The following EDEM1 variants were observed in gnomAD, a reference collection of about 807,000 sequenced individuals.
EDEM1 encodes ER degradation enhancing alpha-mannosidase like protein 1.
A neutral mutation model predicts 74.4 loss-of-function variants in EDEM1; 67 were observed. That is an observed-to-expected ratio of 0.90 (90% CI 0.74 to 1.10). EDEM1 has a LOEUF of 1.10. EDEM1 is among the 50% of genes least tolerant of loss of function. The pLI is 0.00. For synonymous variants in EDEM1, 382 were observed against 335.9 expected, an observed-to-expected ratio of 1.14 and a Z score of -1.50; for missense variants, 926 against 851.6, an observed-to-expected ratio of 1.09 and a Z score of -1.09.
chr3:5,199,621 A>G lies in EDEM1; in HGVS notation c.612A>G (p.Lys204=), dbSNP rs1229408792. ...TGGGAAATTCATCCGAGTTCCAGAA[A>G]GCCGTCAAGTTAGTGATCAACACAG... ...AIMGNSSEFQ[K]AVKLVINTVS... The change falls in exon 3 of 12, where the codon AAA becomes AAG. Residue 204 remains lysine (K), a synonymous_variant. Coordinates refer to ENST00000256497, the MANE Select transcript of EDEM1 (RefSeq NM_014674.3). 2 of 1,613,542 alleles carry G rather than the reference A, an allele frequency of 1.2e-6. No individual in the cohort carries two copies. The highest frequency in any genetic ancestry group is 1.7e-5 in the Admixed American group (1 of 59,838).
intron 1 of EDEM1, among the ~76,000 whole-genome samples, chr3:5,190,671 T>C (rs906378566): frequency 3.3e-5 from 5 of 152,112 alleles, no homozygotes; most frequent in Non-Finnish European, 2.9e-5. Context: ...TTTAGAAGTA[T>C]TGAGGAGGTG....
At chr3:5,195,149 TTTTA>T (rs2054948904) in intron 1 of EDEM1, 56 bp from the exon 2 acceptor site, 1 of 1,064,000 alleles carries the variant, frequency 9.4e-7, no homozygotes, top group Admixed American at 3.1e-5. Flanking sequence ...GGGTGTTTAC[TTTTA>T]TTGTCTTCTC....
intron 10 of EDEM1, 122 bp downstream of exon 10, chr3:5,211,338 A>T: frequency 1.1e-6 from 1 of 945,956 alleles, no homozygotes; most frequent in Non-Finnish European, 1.6e-6. Flanking sequence ...GTGCATTCCC[A>T]GGATGCAAAC....
chr3:5,207,441 T>C (rs2055112293), intron 7 of EDEM1, among the ~76,000 whole-genome samples, 168 bp downstream of exon 7: 1 of 152,216 alleles, frequency 6.6e-6, no homozygotes, highest in African/African-American at 2.4e-5. Context: ...CTCCAGAATA[T>C]TGAACAGAGC....
In EDEM1 at chr3:5,217,846, T is replaced by C. The variant is rs1197377539; in HGVS notation, c.*1928T>C. The stretch of plus-strand genomic sequence containing the variant: ...ACGAGCATACTTGTACCTTTGTCTC[T>C]GGGCAAACAGGTGGGACTGTTAGTG... On this transcript the variant is annotated 3_prime_UTR_variant, in exon 12 of 12. Coordinates refer to ENST00000256497, the MANE Select transcript of EDEM1 (RefSeq NM_014674.3). The C allele has an allele frequency of 6.6e-6, 1 of 152,194 alleles. No individual in the cohort carries two copies. The highest frequency in any genetic ancestry group is 1.9e-4 in the East Asian group (1 of 5,204). 9.4% of individuals were successfully genotyped at this position (152,194 alleles called of 1,614,324 possible).
At position 5,217,996 on chromosome 3, in the gene EDEM1, G is replaced by A. The variant is rs1465759608; in HGVS notation, c.*2078G>A. ...GCGGCAGTGGTGGGTAAGCACTCCAGTGTTCTCTTAATGAGGCACTTTGCC... is the reference window on the plus strand; with the variant it reads ...GCGGCAGTGGTGGGTAAGCACTCCAATGTTCTCTTAATGAGGCACTTTGCC... On this transcript the variant is annotated 3_prime_UTR_variant, in exon 12 of 12. Coordinates refer to ENST00000256497, the MANE Select transcript of EDEM1 (RefSeq NM_014674.3). 6.6e-6 allele frequency: 1 copy of A among 152,252 alleles called. No homozygotes were observed. The highest frequency in any genetic ancestry group is 1.5e-5 in the Non-Finnish European group (1 of 68,062). 9.4% of individuals were successfully genotyped at this position (152,252 alleles called of 1,614,324 possible).
intron 2 of EDEM1, among the ~76,000 whole-genome samples, chr3:5,199,348 T>C (rs960672083): frequency 2.0e-5 from 3 of 152,236 alleles, no homozygotes; most frequent in African/African-American, 7.2e-5. Flanking sequence ...TGCCAATGAT[T>C]TTACAAGGAA....
rs975174978 is a variant in EDEM1 at position 5,216,468 on chromosome 3, T to G, written c.*550T>G. Reference sequence around the variant, plus strand: ...TTGTTAGAGGATTGAGAATGAAATTTCTGCAAAAGGGCCCATGGTTCATTT... The same window carrying G: ...TTGTTAGAGGATTGAGAATGAAATTGCTGCAAAAGGGCCCATGGTTCATTT... On this transcript the variant is annotated 3_prime_UTR_variant, in exon 12 of 12. Transcript: ENST00000256497. 2 of 152,192 alleles carry G rather than the reference T, an allele frequency of 1.3e-5. No homozygotes were observed. The highest frequency in any genetic ancestry group is 4.8e-5 in the African/African-American group (2 of 41,440). 9.4% of individuals were successfully genotyped at this position (152,192 alleles called of 1,614,324 possible). A position where few individuals can be genotyped will look rare whatever the true frequency, so the allele number is the denominator to read the frequency against.
At position 5,219,177 on chromosome 3, in the gene EDEM1, T is replaced by C. The variant is rs2106616383; in HGVS notation, c.*3259T>C. On this transcript the variant is annotated 3_prime_UTR_variant, in exon 12 of 12. Transcript: ENST00000256497. ...ATGATTACCACCTGTAATTCCTCTT[T>C]GGATTGTGTAGACTCAACATGAGAC... 6.6e-6 allele frequency: 1 copy of C among 152,334 alleles called. No homozygotes were observed. The highest frequency in any genetic ancestry group is 6.5e-5 in the Admixed American group (1 of 15,296). The allele number at this position is 152,334 out of a possible 1,614,324, so 9.4% of individuals were successfully genotyped here.
chr3:5,216,108 T>C lies in EDEM1; in HGVS notation c.*190T>C, dbSNP rs144876598. ...AGTGTTTCTCTCCTGTTCAATAAAA[T>C]GCCCTGTTAAGGATATAATTTGAAG... is the stretch of plus-strand genomic sequence containing the variant. On this transcript the variant is annotated 3_prime_UTR_variant, in exon 12 of 12. Coordinates refer to ENST00000256497, the MANE Select transcript of EDEM1 (RefSeq NM_014674.3). The C allele has an allele frequency of 8.1e-4, 447 of 549,162 alleles. 4 individuals carry two copies. Among genetic ancestry groups the C allele is most frequent in the African/African-American group, 7.4e-3 (379 of 51,180 alleles). 34.0% of individuals were successfully genotyped at this position (549,162 alleles called of 1,614,324 possible). A position where few individuals can be genotyped will look rare whatever the true frequency, so the allele number is the denominator to read the frequency against.
chr3:5,192,635 G>C (rs1041640955), intron 1 of EDEM1, among the ~76,000 whole-genome samples: 1 of 152,192 alleles, frequency 6.6e-6, no homozygotes, highest in African/African-American at 2.4e-5. Flanking sequence ...AGATTGACAA[G>C]AATATCTACA....
At chr3:5,209,984 CTT>C (rs1298824915) in intron 8 of EDEM1, among the ~76,000 whole-genome samples, 189 bp from the exon 9 acceptor site, 1 of 152,248 alleles carries the variant, frequency 6.6e-6, no homozygotes, top group Admixed American at 6.5e-5. Flanking sequence ...CACAGGTACT[CTT>C]TGATGTGAAC....
At position 5,219,242 on chromosome 3, in the gene EDEM1, C is replaced by CT. The variant is rs1414288259; in HGVS notation, c.*3327dup. ...TCTGGAGGGCACCAGGGGCCTTTCTCTTTGATAAATTTTTTTTGTCTGTTG... is the reference window on the plus strand; with the variant it reads ...TCTGGAGGGCACCAGGGGCCTTTCTCTTTTGATAAATTTTTTTTGTCTGTTG... On this transcript the variant is annotated 3_prime_UTR_variant, in exon 12 of 12. Coordinates refer to ENST00000256497, the MANE Select transcript of EDEM1 (RefSeq NM_014674.3). 6.6e-6 allele frequency: 1 copy of CT among 152,148 alleles called. No homozygotes were observed. Among genetic ancestry groups the CT allele is most frequent in the African/African-American group, 2.4e-5 (1 of 41,438 alleles). The allele number at this position is 152,148 out of a possible 1,614,324, so 9.4% of individuals were successfully genotyped here.
rs1235154281 is a variant in EDEM1, at chr3:5,216,525, A to G, written c.*607A>G. 6.6e-6 allele frequency: 1 copy of G among 152,192 alleles called. No individual in the cohort carries two copies. The highest frequency in any genetic ancestry group is 1.9e-4 in the East Asian group (1 of 5,196). The allele number at this position is 152,192 out of a possible 1,614,324, so 9.4% of individuals were successfully genotyped here. A position where few individuals can be genotyped will look rare whatever the true frequency, so the allele number is the denominator to read the frequency against. ...CCTATTTAATTGCATTGAAAATGTC[A>G]TCCTTTCTGTTGTTAGATAATTGGG... On this transcript the variant is annotated 3_prime_UTR_variant, in exon 12 of 12. Coordinates refer to ENST00000256497, the MANE Select transcript of EDEM1 (RefSeq NM_014674.3).
chr3:5,207,967 C>G (rs1373055097), intron 7 of EDEM1, 126 bp from the exon 8 acceptor site: 15 of 1,217,796 alleles, frequency 1.2e-5, no homozygotes, highest in African/African-American at 3.1e-5. Flanking sequence ...TTGGTTTTGT[C>G]TTTAACCGTA....
intron 4 of EDEM1, 39 bp from the exon 5 acceptor site, chr3:5,202,927 T>A: frequency 6.3e-7 from 1 of 1,593,924 alleles, no homozygotes. Flanking sequence ...TGTGGATTCC[T>A]TGAGTTTTGT....
At chr3:5,207,396 C>G (rs2055111406) in intron 7 of EDEM1, 123 bp downstream of exon 7, 2 of 1,335,104 alleles carry the variant, frequency 1.5e-6, no homozygotes, top group Non-Finnish European at 2.0e-6. Flanking sequence ...GTCACTGACA[C>G]TATACGTCTT....
At position 5,208,276 on chromosome 3, in the gene EDEM1, TG is replaced by T. The variant is rs1264517426; in HGVS notation, c.1509+14del. The T allele has an allele frequency of 6.3e-7, 1 of 1,594,966 alleles. No homozygotes were observed. ...TCTCCTCTACCAGGTACTAGAGTTG[TG>T]TTTTTTTTTTTTTCCTTTCACTGCC... On this transcript the variant is annotated intron_variant, in intron 8 of 11. Transcript: ENST00000256497.
chr3:5,198,136 C>T (rs2054991922), intron 2 of EDEM1, among the ~76,000 whole-genome samples: 1 of 150,190 alleles, frequency 6.7e-6, no homozygotes, highest in African/African-American at 2.5e-5. Flanking sequence ...CCTCCACCTT[C>T]CCAGGGGTTC....
Sources: allele counts gnomAD v4.1 joint callset (sites outside exome capture counted in the v4.1 genomes callset), GRCh38; gene constraint gnomAD v4.1.1; transcripts MANE v1.5; gene names NCBI Gene and HGNC (gene_info 2026-07-23, HGNC 2026-07-21).